The following SLC9C1 variants were observed in gnomAD, a reference collection of about 807,000 sequenced individuals.
SLC9C1 encodes sodium/hydrogen exchanger 10.
Under a neutral mutation model 140.9 loss-of-function variants are expected in SLC9C1, and 97 were observed. The ratio of observed to expected loss-of-function variants is 0.69; its 90% CI spans 0.58 to 0.82. The LOEUF (loss-of-function observed/expected upper bound fraction) is 0.82, where lower values mean the gene tolerates loss of function less well. Ranked by LOEUF, SLC9C1 falls within the 40% of genes least tolerant of loss-of-function variation. The pLI is 0.00. For missense variants in SLC9C1, 1,340 were observed against 1,389.3 expected, an observed-to-expected ratio of 0.96 and a Z score of 0.56; for synonymous variants, 440 against 442.6, an observed-to-expected ratio of 0.99 and a Z score of 0.07.
intron 10 of SLC9C1, among the ~76,000 whole-genome samples, chr3:112,252,985 C>T (rs1296472877): frequency 1.3e-5 from 2 of 152,098 alleles, no homozygotes; most frequent in Non-Finnish European, 2.9e-5. Flanking sequence ...ACAGCCATCA[C>T]TAATGATACC....
At chr3:112,194,768 A>G (rs1470427844) in intron 20 of SLC9C1, among the ~76,000 whole-genome samples, 1 of 150,380 alleles carries the variant, frequency 6.6e-6, no homozygotes, top group Non-Finnish European at 1.5e-5. Context: ...AAGGGTTCCA[A>G]TTTCTCCACA....
chr3:112,292,834 C>T (rs1272619868), intron 1 of SLC9C1, among the ~76,000 whole-genome samples: 8 of 151,910 alleles, frequency 5.3e-5, no homozygotes, highest in African/African-American at 1.7e-4. Flanking sequence ...TGAGCCACCA[C>T]GCCCGGCCAC....
intron 1 of SLC9C1, among the ~76,000 whole-genome samples, chr3:112,288,479 T>C (rs139353342): frequency 6.6e-6 from 1 of 152,350 alleles, no homozygotes; most frequent in Non-Finnish European, 1.5e-5. Context: ...ATACTCTGGC[T>C]GGCATACTGG....
chr3:112,235,722 G>A (rs1012363078), intron 12 of SLC9C1, among the ~76,000 whole-genome samples: 9 of 152,128 alleles, frequency 5.9e-5, no homozygotes, highest in Non-Finnish European at 1.3e-4. Context: ...ATCTATTGAG[G>A]TAATCATGTG....
intron 17 of SLC9C1, 85 bp downstream of exon 17, chr3:112,204,133 C>A: frequency 2.3e-6 from 3 of 1,294,738 alleles, no homozygotes; most frequent in South Asian, 4.4e-5. Flanking sequence ...ATATGTTAAC[C>A]ATAAAACTAG....
At chr3:112,163,176 G>T (rs1400896535) in intron 26 of SLC9C1, among the ~76,000 whole-genome samples, 5 of 144,368 alleles carry the variant, frequency 3.5e-5, no homozygotes, top group Non-Finnish European at 7.6e-5. Flanking sequence ...TTCTTTATTA[G>T]TCTTGCTAGC....
intron 13 of SLC9C1, among the ~76,000 whole-genome samples, chr3:112,228,433 A>G (rs1378112837): frequency 1.3e-5 from 2 of 152,142 alleles, no homozygotes. Flanking sequence ...AAACCACTAG[A>G]AGAAAACGGA....
At chr3:112,259,417 A>T (rs1393202136) in intron 10 of SLC9C1, among the ~76,000 whole-genome samples, 3 of 63,466 alleles carry the variant, frequency 4.7e-5, no homozygotes, top group Non-Finnish European at 1.3e-4. Flanking sequence ...TTACCTATCT[A>T]AAAAAAAAAA....
chr3:112,201,970 T>C (rs910581953), intron 18 of SLC9C1, among the ~76,000 whole-genome samples: 7 of 152,008 alleles, frequency 4.6e-5, no homozygotes, highest in East Asian at 3.9e-4. Context: ...ATCTTAGAGC[T>C]TGCATTGGGA....
At chr3:112,278,195 T>G (rs55899888) in intron 4 of SLC9C1, among the ~76,000 whole-genome samples, 33,660 of 152,186 alleles carry the variant, frequency 0.22, 3,996 homozygotes, top group Middle Eastern at 0.27. Flanking sequence ...CAAAACTGTT[T>G]TGATTACTTT....
chr3:112,240,344 A>G (rs1322108005), intron 11 of SLC9C1, among the ~76,000 whole-genome samples: 1 of 152,252 alleles, frequency 6.6e-6, no homozygotes, highest in Admixed American at 6.5e-5. Context: ...GAGGAAACAA[A>G]GAAACAGAGG....
chr3:112,196,606 G>A (rs1420795755), intron 20 of SLC9C1, among the ~76,000 whole-genome samples: 1 of 151,976 alleles, frequency 6.6e-6, no homozygotes, highest in Non-Finnish European at 1.5e-5. Context: ...GTAATTTCCA[G>A]TGACCTATCC....
intron 26 of SLC9C1, among the ~76,000 whole-genome samples, chr3:112,166,447 G>C (rs1030779204): frequency 6.6e-6 from 1 of 152,180 alleles, no homozygotes; most frequent in East Asian, 1.9e-4. Flanking sequence ...ACATGGCTGG[G>C]GAGGCCTCAA....
chr3:112,179,625 G>A lies in SLC9C1; in HGVS notation c.2825C>T (p.Thr942Ile), dbSNP rs1208088177. The A allele has an allele frequency of 6.2e-7, 1 of 1,611,394 alleles. No homozygotes were observed. Among genetic ancestry groups the A allele is most frequent in the Non-Finnish European group, 8.5e-7 (1 of 1,178,926 alleles). ...TATTTCTCCACTGAGCATATAGTCT[G>A]TGTCAATTATCGGAAAATCTTTCTC... The part of the protein sequence containing the change: ...SKEKDFPIID[T>I]DYMLSGEIIG... Residue 942 changes from threonine (T) to isoleucine (I), a missense_variant, in exon 23 of 29, where the codon ACA (threonine) becomes ATA (isoleucine). Physicochemically the swap from Thr to Ile is moderately conservative, Grantham distance 89. Transcript: ENST00000305815.
At chr3:112,203,083 A>G (rs2077949525) in intron 17 of SLC9C1, among the ~76,000 whole-genome samples, 1 of 152,032 alleles carries the variant, frequency 6.6e-6, no homozygotes, top group Non-Finnish European at 1.5e-5. Context: ...CATTCTGTGC[A>G]TACTCCTGTT....
intron 10 of SLC9C1, among the ~76,000 whole-genome samples, chr3:112,244,782 G>T (rs2079233386): frequency 6.6e-6 from 1 of 152,136 alleles, no homozygotes; most frequent in South Asian, 2.1e-4. Context: ...TCCACAGATG[G>T]AATTAGGGAT....
At chr3:112,161,044 G>GT (rs2075282891) in intron 26 of SLC9C1, among the ~76,000 whole-genome samples, 1 of 152,124 alleles carries the variant, frequency 6.6e-6, no homozygotes, top group African/African-American at 2.4e-5. Flanking sequence ...TTTTTCATGT[G>GT]TTTTTTGGCT....
At chr3:112,157,831 A>T (rs1361268243) in intron 26 of SLC9C1, among the ~76,000 whole-genome samples, 6 of 150,996 alleles carry the variant, frequency 4.0e-5, no homozygotes, top group Non-Finnish European at 8.9e-5. Context: ...GATCACTGTT[A>T]GCCTATATAA....
At position 112,169,268 on chromosome 3, in the gene SLC9C1, T is replaced by C; in HGVS notation, c.2980A>G (p.Lys994Glu). The change falls in exon 24 of 29, where the codon AAA (lysine) becomes GAA (glutamate). Residue 994 changes from lysine (K) to glutamate (E), a missense_variant. By Grantham distance (56) the Lys-to-Glu change is moderately conservative. Transcript: ENST00000305815. ...DAFEQCSPLI[K>E]QKMWLKLGLA... ...CCAAGTTTTAGCCACATTTTTTGTT[T>C]AATGAGAGGAGAGCATTGCTCAAAA... The C allele has an allele frequency of 6.2e-7, 1 of 1,613,630 alleles. No homozygotes were observed. The highest frequency in any genetic ancestry group is 1.3e-5 in the African/African-American group (1 of 75,050).
Sources: gnomAD v4.1 joint callset for allele counts (sites outside exome capture counted in the v4.1 genomes callset) on GRCh38, gnomAD v4.1.1 for gene constraint, MANE v1.5 for transcripts, NCBI Gene and HGNC (gene_info 2026-07-23, HGNC 2026-07-21) for gene names.